Variants in DNAJC1 observed in about 807,000 individuals in gnomAD.
DNAJC1 encodes the protein dnaJ homolog subfamily C member 1.
A neutral mutation model predicts 76.6 loss-of-function variants in DNAJC1; 58 were observed. The ratio of observed to expected loss-of-function variants is 0.76; its 90% CI spans 0.61 to 0.94. The LOEUF (loss-of-function observed/expected upper bound fraction) is 0.94. DNAJC1 is among the 40% of genes least tolerant of loss of function. DNAJC1 has a pLI of 0.00. For synonymous variants in DNAJC1, 258 were observed against 267.9 expected (o/e 0.96, Z 0.36); for missense variants, 689 against 677.3 (o/e 1.02, Z -0.19).
intron 8 of DNAJC1, among the ~76,000 whole-genome samples, chr10:21,858,041 G>A (rs543618226): frequency 6.6e-6 from 1 of 152,228 alleles, no homozygotes; most frequent in African/African-American, 2.4e-5. Context: ...CTAATTAAAA[G>A]TATTGGTATT....
At chr10:21,908,728 T>G (rs1231775923) in intron 6 of DNAJC1, among the ~76,000 whole-genome samples, 3 of 152,124 alleles carry the variant, frequency 2.0e-5, no homozygotes, top group Non-Finnish European at 4.4e-5. Context: ...ATTAGGGCTC[T>G]GAACTGCCTG....
At chr10:21,779,797 A>G (rs1217253810) in intron 9 of DNAJC1, among the ~76,000 whole-genome samples, 5 of 152,212 alleles carry the variant, frequency 3.3e-5, no homozygotes, top group African/African-American at 4.8e-5. Flanking sequence ...AAACTTCTCC[A>G]AGCTAAAGGA....
At chr10:21,968,132 G>T (rs1369004188) in intron 1 of DNAJC1, among the ~76,000 whole-genome samples, 4 of 152,090 alleles carry the variant, frequency 2.6e-5, no homozygotes, top group Non-Finnish European at 5.9e-5. Context: ...ATTTGCAATG[G>T]ATTATTTACA....
chr10:21,882,143 G>C, intron 8 of DNAJC1, 139 bp downstream of exon 8: 1 of 795,710 alleles, frequency 1.3e-6, no homozygotes. Context: ...GACAGAGCGA[G>C]ACTCTGTCTC....
intron 1 of DNAJC1, among the ~76,000 whole-genome samples, chr10:21,952,483 C>T (rs758546988): frequency 1.7e-4 from 26 of 152,012 alleles, no homozygotes; most frequent in Admixed American, 4.6e-4. Context: ...GTCAGGCAGG[C>T]GTGGTGGCTC....
In DNAJC1 at chr10:21,871,246, T is replaced by C. The variant is rs531985857; in HGVS notation, c.978+11036A>G. 6.6e-5 allele frequency among the ~76,000 whole-genome samples: 10 copies of C among 151,608 alleles called. No individual in the cohort carries two copies. The South Asian group carries it at 2.1e-3, about 31-fold the overall frequency. On this transcript the variant is annotated intron_variant, in intron 8 of 11. Coordinates refer to ENST00000376980, the MANE Select transcript of DNAJC1 (RefSeq NM_022365.4). ...ACATTCCTGGGAACCTAGAAGGCCA[T>C]GTGCATGTTCAAGGCTGCGCACATA...
chr10:21,968,912 G>C (rs1341433056), intron 1 of DNAJC1, among the ~76,000 whole-genome samples: 1 of 152,036 alleles, frequency 6.6e-6, no homozygotes, highest in Non-Finnish European at 1.5e-5. Flanking sequence ...AAAACCTGTA[G>C]TATTTGAGTT....
intron 8 of DNAJC1, among the ~76,000 whole-genome samples, chr10:21,877,750 T>C (rs150379691): frequency 2.0e-5 from 3 of 152,292 alleles, no homozygotes; most frequent in African/African-American, 7.2e-5. Context: ...GGAAAACAAT[T>C]TAAAAGTACA....
intron 1 of DNAJC1, among the ~76,000 whole-genome samples, chr10:21,961,045 T>C (rs1283798331): frequency 6.6e-6 from 1 of 152,202 alleles, no homozygotes; most frequent in African/African-American, 2.4e-5. Flanking sequence ...ACTTCACAAC[T>C]ACAATCATTA....
intron 1 of DNAJC1, among the ~76,000 whole-genome samples, chr10:21,932,721 C>T (rs954947053): frequency 6.6e-6 from 1 of 152,296 alleles, no homozygotes; most frequent in Admixed American, 6.5e-5. Context: ...TTTATTTTGC[C>T]ACACTCAGAA....
intron 8 of DNAJC1, among the ~76,000 whole-genome samples, chr10:21,859,510 A>G (rs1023547791): frequency 3.3e-5 from 5 of 152,200 alleles, no homozygotes; most frequent in African/African-American, 1.2e-4. Flanking sequence ...TGAAATCATC[A>G]GTAAAAATCA....
At chr10:21,897,640 T>A (rs1348175303) in intron 7 of DNAJC1, among the ~76,000 whole-genome samples, 1 of 152,174 alleles carries the variant, frequency 6.6e-6, no homozygotes, top group Non-Finnish European at 1.5e-5. Flanking sequence ...ACAGTTTCAT[T>A]ACAAAACCAT....
At chr10:21,853,565 C>G (rs1453853762) in intron 8 of DNAJC1, among the ~76,000 whole-genome samples, 1 of 151,726 alleles carries the variant, frequency 6.6e-6, no homozygotes, top group Non-Finnish European at 1.5e-5. Context: ...TATTGTTGTA[C>G]CAGAATATCT....
At chr10:21,812,396 C>T (rs1350848260) in intron 8 of DNAJC1, among the ~76,000 whole-genome samples, 2 of 152,062 alleles carry the variant, frequency 1.3e-5, no homozygotes, top group Non-Finnish European at 2.9e-5. Flanking sequence ...TGCTTACTGG[C>T]CAAGTGAATG....
intron 1 of DNAJC1, among the ~76,000 whole-genome samples, chr10:21,961,811 G>A (rs1407940465): frequency 6.6e-6 from 1 of 152,028 alleles, no homozygotes; most frequent in Non-Finnish European, 1.5e-5. Context: ...TCTTTTAAAT[G>A]GCATCTGAAG....
chr10:21,771,535 G>A (rs533162784), intron 9 of DNAJC1, among the ~76,000 whole-genome samples: 1 of 151,934 alleles, frequency 6.6e-6, no homozygotes, highest in Admixed American at 6.6e-5. Context: ...GTCTCGCTCT[G>A]TTGCCCAGGC....
At chr10:21,830,711 T>C (rs1835343457) in intron 8 of DNAJC1, among the ~76,000 whole-genome samples, 1 of 152,220 alleles carries the variant, frequency 6.6e-6, no homozygotes, top group Non-Finnish European at 1.5e-5. Context: ...TTAAACATTC[T>C]ATCTTTAGTG....
At chr10:21,977,273 C>T (rs1287095553) in intron 1 of DNAJC1, among the ~76,000 whole-genome samples, 1 of 152,092 alleles carries the variant, frequency 6.6e-6, no homozygotes, top group Admixed American at 6.6e-5. Context: ...CACACACACA[C>T]ACAAAATGAC....
chr10:21,924,700 T>C (rs1837094590), intron 3 of DNAJC1, among the ~76,000 whole-genome samples: 1 of 152,200 alleles, frequency 6.6e-6, no homozygotes, highest in Non-Finnish European at 1.5e-5. Context: ...CATGCTTTAA[T>C]AATGACAGTC....
Sources: gnomAD v4.1 joint callset for allele counts (sites outside exome capture counted in the v4.1 genomes callset) on GRCh38, gnomAD v4.1.1 for gene constraint, MANE v1.5 for transcripts, NCBI Gene and HGNC (gene_info 2026-07-23, HGNC 2026-07-21) for gene names.